Variants in MAL2 observed in about 807,000 individuals in gnomAD.
MAL2 encodes mal, T cell differentiation protein 2.
A neutral mutation model predicts 18.1 loss-of-function variants in MAL2; 17 were observed. The ratio of observed to expected loss-of-function variants is 0.94; its 90% CI spans 0.64 to 1.41. The LOEUF is 1.41. MAL2 is among the 40% of genes most tolerant of loss of function. The pLI, the probability that MAL2 is intolerant of heterozygous loss-of-function variation, is 0.00. For missense variants in MAL2, 222 were observed against 231.9 expected, an observed-to-expected ratio of 0.96 and a Z score of 0.28; for synonymous variants, 102 against 102.3, an observed-to-expected ratio of 1.00 and a Z score of 0.02.
intron 2 of MAL2, among the ~76,000 whole-genome samples, chr8:119,238,189 G>C (rs534114739): frequency 5.3e-5 from 8 of 152,250 alleles, no homozygotes; most frequent in South Asian, 2.1e-4. Flanking sequence ...ATTCACAATT[G>C]CTTCAAAGAG....
At chr8:119,237,588 C>T (rs1817936018) in intron 2 of MAL2, among the ~76,000 whole-genome samples, 1 of 151,710 alleles carries the variant, frequency 6.6e-6, no homozygotes, top group Non-Finnish European at 1.5e-5. Flanking sequence ...AGCTTATCCA[C>T]CATGATCAAG....
At chr8:119,240,425 A>T in intron 3 of MAL2, 105 bp downstream of exon 3, 1 of 1,192,336 alleles carries the variant, frequency 8.4e-7, no homozygotes, top group Middle Eastern at 2.0e-4. Flanking sequence ...AATGCTAGCC[A>T]TTGGCATTAA....
chr8:119,216,472 G>A (rs1817357503), intron 1 of MAL2, among the ~76,000 whole-genome samples: 1 of 152,088 alleles, frequency 6.6e-6, no homozygotes, highest in African/African-American at 2.4e-5. Context: ...AGGTCTGTGA[G>A]GATTAAATTG....
At chr8:119,228,321 CT>C (rs1352062930) in intron 2 of MAL2, among the ~76,000 whole-genome samples, 1 of 152,050 alleles carries the variant, frequency 6.6e-6, no homozygotes, top group Non-Finnish European at 1.5e-5. Flanking sequence ...ACAAGGACCC[CT>C]GACCATGAAA....
intron 1 of MAL2, among the ~76,000 whole-genome samples, chr8:119,218,148 A>G (rs560917383): frequency 6.6e-6 from 1 of 152,198 alleles, no homozygotes; most frequent in East Asian, 1.9e-4. Context: ...TCTCTTCCAA[A>G]GCGAGCCTGG....
In MAL2 at chr8:119,245,207, T is replaced by C. The variant is rs1818128545; in HGVS notation, c.*1719T>C. 1 of 152,598 alleles carries C rather than the reference T, an allele frequency of 6.6e-6. No individual in the cohort carries two copies. Among genetic ancestry groups the C allele is most frequent in the African/African-American group, 2.4e-5 (1 of 41,432 alleles). The allele number at this position is 152,598 out of a possible 1,614,324, so 9.5% of individuals were successfully genotyped here. ...TCTATAATATCCTACTACTTTGGTT[T>C]TCCTAGCTCCATACCACACACCTAA... On this transcript the variant is annotated 3_prime_UTR_variant, in exon 4 of 4. Transcript: ENST00000614891.
rs200938995 is a variant in MAL2, at chr8:119,232,070, C to CA, written c.304-8087dup. Among the ~76,000 whole-genome samples, 1,037 of 150,356 alleles carry CA rather than the reference C, an allele frequency of 6.9e-3. 14 individuals carry two copies. The highest frequency in any genetic ancestry group is 0.024 in the African/African-American group (963 of 40,658). ...AAAAATATTTTAGATGTTCTCACCA[C>CA]AAAAAAAAGATAATTTTGGGAGGTT... is the stretch of plus-strand genomic sequence containing the variant. On this transcript the variant is annotated intron_variant, in intron 2 of 3. Transcript: ENST00000614891.
chr8:119,222,151 T>C (rs1817477283), intron 2 of MAL2, among the ~76,000 whole-genome samples: 1 of 152,180 alleles, frequency 6.6e-6, no homozygotes, highest in Admixed American at 6.5e-5. Flanking sequence ...TATTTTTTTT[T>C]CAGAAAACAA....
intron 2 of MAL2, among the ~76,000 whole-genome samples, chr8:119,232,785 T>C (rs1265023445): frequency 6.6e-6 from 1 of 152,200 alleles, no homozygotes; most frequent in African/African-American, 2.4e-5. Flanking sequence ...CAGCATATGT[T>C]ATGGCTTTTT....
chr8:119,214,009 A>G (rs996088168), intron 1 of MAL2, among the ~76,000 whole-genome samples: 2 of 152,188 alleles, frequency 1.3e-5, no homozygotes, highest in Non-Finnish European at 2.9e-5. Flanking sequence ...GCTCCAAAGG[A>G]AAAAGTCATA....
chr8:119,217,523 A>G (rs1681490435), intron 1 of MAL2, among the ~76,000 whole-genome samples: 1 of 152,184 alleles, frequency 6.6e-6, no homozygotes, highest in Non-Finnish European at 1.5e-5. Context: ...TAGTTTCTTA[A>G]AGAAATTTCA....
At chr8:119,237,867 G>C (rs1817945893) in intron 2 of MAL2, among the ~76,000 whole-genome samples, 1 of 152,160 alleles carries the variant, frequency 6.6e-6, no homozygotes, top group Non-Finnish European at 1.5e-5. Context: ...CATTCCCTTT[G>C]AAAACTGGCA....
chr8:119,240,225 G>A lies in MAL2; in HGVS notation c.364G>A (p.Ala122Thr), dbSNP rs765567870. The change falls in exon 3 of 4, where the codon GCA becomes ACA. Residue 122 changes from alanine to threonine, a missense_variant. By Grantham distance (58) the Ala-to-Thr change is moderately conservative. Transcript: ENST00000614891. ...FYFGAFLLEA[A>T]ATSLHDLHCN... ...TTTTGGAGCCTTTTTATTGGAAGCA[G>A]CAGCCACATCCCTGCATGATTTGCA... 6.2e-7 allele frequency: 1 copy of A among 1,613,594 alleles called. No individual in the cohort carries two copies. Among genetic ancestry groups the A allele is most frequent in the Non-Finnish European group, 8.5e-7 (1 of 1,179,792 alleles).
chr8:119,221,548 T>A lies in MAL2; in HGVS notation c.133-39T>A, dbSNP rs139853454. ...GTTTAATTCTGTTGTGTGAAAGGTATCTTTTAAGCAAACCAATTACCCTCT... is the reference window on the plus strand; with the variant it reads ...GTTTAATTCTGTTGTGTGAAAGGTAACTTTTAAGCAAACCAATTACCCTCT... On this transcript the variant is annotated intron_variant, in intron 1 of 3. Transcript: ENST00000614891. The A allele has an allele frequency of 3.4e-4, 543 of 1,608,258 alleles. No homozygotes were observed. In the African/African-American group the frequency reaches 6.0e-3, roughly 18 times the overall value.
intron 1 of MAL2, among the ~76,000 whole-genome samples, chr8:119,216,081 TA>T (rs1346972757): frequency 6.6e-6 from 1 of 152,102 alleles, no homozygotes; most frequent in Non-Finnish European, 1.5e-5. Context: ...ACCCCATAAG[TA>T]AACATCCATT....
chr8:119,214,723 A>G (rs1381913801), intron 1 of MAL2, among the ~76,000 whole-genome samples: 3 of 152,254 alleles, frequency 2.0e-5, no homozygotes, highest in South Asian at 2.1e-4. Flanking sequence ...GGAAGAAAGT[A>G]TAACTCTCTA....
rs1199742430 is a variant in MAL2, at chr8:119,245,430, C to T, written c.*1942C>T. 1 of 152,568 alleles carries T rather than the reference C, an allele frequency of 6.6e-6. No homozygotes were observed. Among genetic ancestry groups the T allele is most frequent in the Admixed American group, 6.6e-5 (1 of 15,260 alleles). 9.5% of individuals were successfully genotyped at this position (152,568 alleles called of 1,614,324 possible). A position where few individuals can be genotyped will look rare whatever the true frequency, so the allele number is the denominator to read the frequency against. On this transcript the variant is annotated 3_prime_UTR_variant, in exon 4 of 4. Transcript: ENST00000614891. ...TGGCACTTTTGTAAACAGATTGCTT[C>T]TAGATTGTTACAAACCAAGCCTAAG...
intron 2 of MAL2, among the ~76,000 whole-genome samples, chr8:119,229,760 A>G (rs1191337790): frequency 6.6e-6 from 1 of 152,110 alleles, no homozygotes; most frequent in Admixed American, 6.6e-5. Flanking sequence ...GTCCCTTTCA[A>G]CCTTGCAACC....
intron 2 of MAL2, among the ~76,000 whole-genome samples, chr8:119,238,326 A>T (rs1281778996): frequency 2.0e-5 from 3 of 152,216 alleles, no homozygotes; most frequent in African/African-American, 7.2e-5. Context: ...AGGAAGAACC[A>T]ATATCATGAA....
Sources: allele counts gnomAD v4.1 joint callset (sites outside exome capture counted in the v4.1 genomes callset), GRCh38; gene constraint gnomAD v4.1.1; transcripts MANE v1.5; gene names NCBI Gene and HGNC (gene_info 2026-07-23, HGNC 2026-07-21).